CHCHD6: variants seen among roughly 807,000 people sequenced by gnomAD.
CHCHD6 encodes coiled-coil-helix-coiled-coil-helix domain containing 6.
Under a neutral mutation model 32.3 loss-of-function variants are expected in CHCHD6, and 28 were observed. The ratio of observed to expected loss-of-function variants is 0.87; its 90% CI spans 0.64 to 1.19. The LOEUF is 1.19. Among genes scored for constraint, CHCHD6 ranks in the 50% most tolerant of loss-of-function variants. The pLI, the probability that CHCHD6 is intolerant of heterozygous loss-of-function variation, is 0.00. For synonymous variants in CHCHD6, 122 were observed against 117.5 expected, an observed-to-expected ratio of 1.04 and a Z score of -0.25; for missense variants, 333 against 307.0, an observed-to-expected ratio of 1.08 and a Z score of -0.63.
At chr3:126,725,966 A>G (rs1935514564) in intron 1 of CHCHD6, among the ~76,000 whole-genome samples, 1 of 152,210 alleles carries the variant, frequency 6.6e-6, no homozygotes, top group Non-Finnish European at 1.5e-5. Flanking sequence ...AACTTTTTCC[A>G]TATCAGCAGT....
chr3:126,939,603 A>C (rs2078530983), intron 6 of CHCHD6, among the ~76,000 whole-genome samples: 2 of 152,242 alleles, frequency 1.3e-5, no homozygotes. Flanking sequence ...TGGCTTTGAC[A>C]ACTGTGACTT....
At chr3:126,752,785 C>G (rs888093448) in intron 4 of CHCHD6, among the ~76,000 whole-genome samples, 1 of 152,196 alleles carries the variant, frequency 6.6e-6, no homozygotes, top group East Asian at 1.9e-4. Flanking sequence ...TGTTCTCCTC[C>G]TCATCCAGAA....
chr3:126,780,278 C>T, intron 4 of CHCHD6: 1 of 401,952 alleles, frequency 2.5e-6, no homozygotes, highest in South Asian at 1.9e-5. Flanking sequence ...AGGGTTTCTC[C>T]CACCTTTTGT....
intron 4 of CHCHD6, among the ~76,000 whole-genome samples, chr3:126,798,097 A>ATGTT (rs1938882213): frequency 6.6e-6 from 1 of 152,150 alleles, no homozygotes; most frequent in African/African-American, 2.4e-5. Flanking sequence ...GAATTATAAC[A>ATGTT]GAGGGGTGGC....
intron 4 of CHCHD6, among the ~76,000 whole-genome samples, chr3:126,799,909 T>C (rs1188992617): frequency 6.6e-6 from 1 of 152,204 alleles, no homozygotes; most frequent in Admixed American, 6.5e-5. Flanking sequence ...TAGCAAAACA[T>C]TGTGGATATT....
chr3:126,897,259 C>G (rs1215269456), intron 5 of CHCHD6, among the ~76,000 whole-genome samples: 1 of 152,210 alleles, frequency 6.6e-6, no homozygotes, highest in Non-Finnish European at 1.5e-5. Flanking sequence ...CATTAATCCT[C>G]TTTCTATCTC....
In CHCHD6 at chr3:126,719,456, A is replaced by G. The variant is rs143900072; in HGVS notation, c.88-7622A>G. 5.0e-4 allele frequency among the ~76,000 whole-genome samples: 76 copies of G among 152,294 alleles called. 1 individual carries two copies. The highest frequency in any genetic ancestry group is 1.8e-3 in the African/African-American group (75 of 41,558). On this transcript the variant is annotated intron_variant, in intron 1 of 7. Transcript: ENST00000290913. ...TCTTTCATAGATAGCACCAATCACT[A>G]GTGCACCCCATTGGTTCTTCAGCAT...
intron 6 of CHCHD6, among the ~76,000 whole-genome samples, chr3:126,922,793 G>A (rs1024856687): frequency 2.0e-5 from 3 of 152,206 alleles, no homozygotes; most frequent in Non-Finnish European, 2.9e-5. Flanking sequence ...CCATGCCAGT[G>A]CTTACAGAGT....
intron 4 of CHCHD6, among the ~76,000 whole-genome samples, chr3:126,793,560 G>T (rs1938651293): frequency 6.6e-6 from 1 of 151,978 alleles, no homozygotes; most frequent in African/African-American, 2.4e-5. Flanking sequence ...TGTATATATT[G>T]AGAGCCACAT....
intron 5 of CHCHD6, among the ~76,000 whole-genome samples, chr3:126,896,578 GCCAACTGGCCAC>G (rs1190419967): frequency 6.6e-6 from 1 of 152,148 alleles, no homozygotes; most frequent in Non-Finnish European, 1.5e-5. Context: ...TACCTCCATT[GCCAACTGGCCAC>G]TCACTTCTTG....
intron 4 of CHCHD6, among the ~76,000 whole-genome samples, chr3:126,737,222 A>T (rs540478208): frequency 2.2e-4 from 33 of 152,142 alleles, no homozygotes; most frequent in African/African-American, 7.9e-4. Flanking sequence ...TGGGAGGCTG[A>T]GGCAGGAGAA....
chr3:126,732,078 C>CAAAAAAA (rs57722271), intron 3 of CHCHD6, among the ~76,000 whole-genome samples: 50 of 75,598 alleles, frequency 6.6e-4, no homozygotes, highest in Admixed American at 8.3e-4. Context: ...GACCCAAAAC[C>CAAAAAAA]AAAAAAAAAA....
At chr3:126,826,612 A>T (rs1030039818) in intron 4 of CHCHD6, among the ~76,000 whole-genome samples, 3 of 152,168 alleles carry the variant, frequency 2.0e-5, no homozygotes, top group African/African-American at 7.2e-5. Flanking sequence ...AGAAGGAGGC[A>T]TCATTATTTC....
At chr3:126,808,080 C>T (rs1286656725) in intron 4 of CHCHD6, among the ~76,000 whole-genome samples, 1 of 152,162 alleles carries the variant, frequency 6.6e-6, no homozygotes, top group Non-Finnish European at 1.5e-5. Flanking sequence ...ATCATGCAAA[C>T]AGTTTCAGTT....
At chr3:126,926,809 G>A (rs961706697) in intron 6 of CHCHD6, among the ~76,000 whole-genome samples, 2 of 152,108 alleles carry the variant, frequency 1.3e-5, no homozygotes, top group African/African-American at 4.8e-5. Flanking sequence ...CAGCATTTGG[G>A]AGAACCAAGC....
chr3:126,766,321 C>T, intron 4 of CHCHD6: 1 of 381,114 alleles, frequency 2.6e-6, no homozygotes, highest in Non-Finnish European at 5.0e-6. Flanking sequence ...AACAAAAATG[C>T]ACCTTAGGTC....
intron 1 of CHCHD6, among the ~76,000 whole-genome samples, chr3:126,722,332 A>C (rs1935345218): frequency 6.6e-6 from 1 of 152,056 alleles, no homozygotes; most frequent in Non-Finnish European, 1.5e-5. Context: ...ATTAAAAAAA[A>C]ATTTTTGTTT....
rs118132124 is a variant in CHCHD6, at chr3:126,828,116, T to C, written c.412-24531T>C. Among the ~76,000 whole-genome samples, 171 of 152,298 alleles carry C rather than the reference T, an allele frequency of 1.1e-3. 1 individual carries two copies. In the East Asian group the frequency reaches 0.029, roughly 26 times the overall value. ...CCTCCTCTCCTTCCCACCATGACGA[T>C]TGGGCTCCCCAAGCTTACATCCTCA... On this transcript the variant is annotated intron_variant, in intron 4 of 7. Transcript: ENST00000290913.
intron 4 of CHCHD6, among the ~76,000 whole-genome samples, chr3:126,830,544 A>G (rs1433777053): frequency 2.0e-5 from 3 of 152,142 alleles, no homozygotes; most frequent in Admixed American, 6.5e-5. Context: ...CCCCTGCTCT[A>G]CCAGTGTTCT....
Sources: allele counts gnomAD v4.1 joint callset (sites outside exome capture counted in the v4.1 genomes callset), GRCh38; gene constraint gnomAD v4.1.1; transcripts MANE v1.5; gene names NCBI Gene and HGNC (gene_info 2026-07-23, HGNC 2026-07-21).